CRISPLD1: variants seen among roughly 807,000 people sequenced by gnomAD.
CRISPLD1 encodes cysteine-rich secretory protein LCCL domain-containing 1.
In CRISPLD1, 60 loss-of-function variants were observed where a neutral mutation model predicts 77.5. The ratio of observed to expected loss-of-function variants is 0.77; its 90% CI spans 0.63 to 0.96. CRISPLD1 has a LOEUF of 0.96. CRISPLD1 is among the 40% of genes least tolerant of loss of function. The probability of loss-of-function intolerance (pLI) is 0.00; values close to 1 mark genes in which losing one functional copy is unlikely to be tolerated. For missense variants in CRISPLD1, 623 were observed against 615.8 expected (o/e 1.01, Z -0.12); for synonymous variants, 195 against 200.1 (o/e 0.97, Z 0.22).
At chr8:75,019,478 A>G (rs1365939391) in intron 10 of CRISPLD1, among the ~76,000 whole-genome samples, 1 of 152,190 alleles carries the variant, frequency 6.6e-6, no homozygotes, top group African/African-American at 2.4e-5. Flanking sequence ...ATTATTTTGT[A>G]GTCTTTTCAC....
chr8:74,999,214 C>G (rs1336160853), intron 2 of CRISPLD1, among the ~76,000 whole-genome samples: 1 of 152,100 alleles, frequency 6.6e-6, no homozygotes, highest in Non-Finnish European at 1.5e-5. Context: ...AAGTCAACTA[C>G]TTATACATAC....
At chr8:75,032,163 A>T (rs777239226) in intron 14 of CRISPLD1, 28 bp from the exon 15 acceptor site, 2 of 1,498,494 alleles carry the variant, frequency 1.3e-6, no homozygotes, top group Admixed American at 3.5e-5. Context: ...ACATCAATAT[A>T]CTTTTCATAT....
At chr8:74,985,162 C>A (rs1812476569) in intron 1 of CRISPLD1, among the ~76,000 whole-genome samples, 1 of 152,090 alleles carries the variant, frequency 6.6e-6, no homozygotes, top group Admixed American at 6.5e-5. Flanking sequence ...CATTTGAGTT[C>A]AGAGAAAGAA....
intron 13 of CRISPLD1, 54 bp downstream of exon 13, chr8:75,025,675 T>C (rs985712262): frequency 6.7e-5 from 62 of 922,638 alleles, no homozygotes; most frequent in South Asian, 3.1e-4. Context: ...TATAAATGTA[T>C]AGACACATTT....
intron 13 of CRISPLD1, 80 bp downstream of exon 13, chr8:75,025,701 C>A: frequency 1.6e-6 from 1 of 610,788 alleles, no homozygotes; most frequent in Admixed American, 2.4e-5. Context: ...TGTATATGTA[C>A]ATTTATATAC....
At chr8:75,019,972 G>A (rs1813103381) in intron 11 of CRISPLD1, 35 bp from the exon 12 acceptor site, 1 of 1,612,216 alleles carries the variant, frequency 6.2e-7, no homozygotes, top group Non-Finnish European at 8.5e-7. Flanking sequence ...TGCTTTCAAA[G>A]GATTCACTCA....
chr8:75,007,347 G>A (rs1387437757), intron 2 of CRISPLD1, among the ~76,000 whole-genome samples: 3 of 152,092 alleles, frequency 2.0e-5, no homozygotes, highest in Non-Finnish European at 2.9e-5. Context: ...CAACCTACTG[G>A]TAAGCAATAC....
intron 2 of CRISPLD1, among the ~76,000 whole-genome samples, chr8:74,999,672 A>T (rs1019451780): frequency 3.9e-5 from 6 of 152,108 alleles, no homozygotes; most frequent in Non-Finnish European, 7.4e-5. Flanking sequence ...TGTAAAATAC[A>T]GGTTCTTTAT....
intron 2 of CRISPLD1, among the ~76,000 whole-genome samples, chr8:74,988,073 T>G (rs1216631131): frequency 2.6e-5 from 4 of 152,208 alleles, no homozygotes; most frequent in African/African-American, 9.7e-5. Context: ...GCACTGGAAC[T>G]GTGTCTTGGC....
chr8:74,986,769 C>T (rs1812504026), intron 2 of CRISPLD1, among the ~76,000 whole-genome samples: 1 of 151,972 alleles, frequency 6.6e-6, no homozygotes, highest in African/African-American at 2.4e-5. Context: ...TTTTTTCTCC[C>T]CTTGGATTTA....
At chr8:75,028,920 G>A (rs922019712) in intron 13 of CRISPLD1, among the ~76,000 whole-genome samples, 1 of 152,148 alleles carries the variant, frequency 6.6e-6, no homozygotes, top group Non-Finnish European at 1.5e-5. Flanking sequence ...ATAGTCATAT[G>A]CAGAACTATG....
chr8:74,988,954 C>A (rs1398383132), intron 2 of CRISPLD1, among the ~76,000 whole-genome samples: 2 of 152,182 alleles, frequency 1.3e-5, no homozygotes, highest in Admixed American at 1.3e-4. Flanking sequence ...CACAAGAATT[C>A]TTTGTTCATG....
At chr8:75,008,438 A>G (rs1432261027) in intron 2 of CRISPLD1, among the ~76,000 whole-genome samples, 1 of 152,174 alleles carries the variant, frequency 6.6e-6, no homozygotes, top group Non-Finnish European at 1.5e-5. Flanking sequence ...CAGTTTTAAA[A>G]CGTGAAATAA....
At chr8:75,031,931 C>G (rs1394065630) in intron 14 of CRISPLD1, among the ~76,000 whole-genome samples, 1 of 151,830 alleles carries the variant, frequency 6.6e-6, no homozygotes, top group East Asian at 1.9e-4. Flanking sequence ...CTGTGAAGTT[C>G]TGTGGAGACT....
At chr8:74,997,785 AT>A (rs1444715153) in intron 2 of CRISPLD1, among the ~76,000 whole-genome samples, 1 of 152,206 alleles carries the variant, frequency 6.6e-6, no homozygotes, top group Non-Finnish European at 1.5e-5. Flanking sequence ...CTTTTTCACT[AT>A]TGCTGAGAAT....
chr8:75,007,828 C>T (rs547646523), intron 2 of CRISPLD1, among the ~76,000 whole-genome samples: 4 of 151,790 alleles, frequency 2.6e-5, no homozygotes, highest in Non-Finnish European at 5.9e-5. Flanking sequence ...CACGTGACAC[C>T]GTACCAGCTA....
chr8:75,017,258 G>T, intron 9 of CRISPLD1, 62 bp from the exon 10 acceptor site: 1 of 1,575,600 alleles, frequency 6.3e-7, no homozygotes, highest in Non-Finnish European at 8.7e-7. Flanking sequence ...GTGGTAAATA[G>T]TTGGGACTTA....
chr8:74,987,629 C>G (rs533018014), intron 2 of CRISPLD1, among the ~76,000 whole-genome samples: 9 of 152,272 alleles, frequency 5.9e-5, no homozygotes, highest in Admixed American at 2.0e-4. Flanking sequence ...TGTAATGTCT[C>G]ATATTTCTGC....
intron 12 of CRISPLD1, among the ~76,000 whole-genome samples, chr8:75,024,599 A>G (rs1190501408): frequency 6.6e-6 from 1 of 152,188 alleles, no homozygotes; most frequent in Non-Finnish European, 1.5e-5. Flanking sequence ...TGCTGGGATT[A>G]CAGGCATGAG....
Sources: gnomAD v4.1 joint callset for allele counts (sites outside exome capture counted in the v4.1 genomes callset) on GRCh38, gnomAD v4.1.1 for gene constraint, MANE v1.5 for transcripts, NCBI Gene and HGNC (gene_info 2026-07-23, HGNC 2026-07-21) for gene names.